Variants in CREB5 observed in about 807,000 individuals in gnomAD.
CREB5 encodes the protein cyclic AMP-responsive element-binding protein 5.
CREB5 carries 19 observed loss-of-function variants against 57.1 expected under a neutral mutation model. The ratio of observed to expected loss-of-function variants is 0.33; its 90% CI spans 0.23 to 0.49. The LOEUF (loss-of-function observed/expected upper bound fraction) is 0.49, where lower values mean the gene tolerates loss of function less well. Among genes scored for constraint, CREB5 ranks in the 20% least tolerant of loss-of-function variants. The probability of loss-of-function intolerance (pLI) is 0.99; values close to 1 mark genes in which losing one functional copy is unlikely to be tolerated. For synonymous variants in CREB5, 238 were observed against 238.3 expected (o/e 1.00, Z 0.01); for missense variants, 579 against 671.6 (o/e 0.86, Z 1.52).
chr7:28,531,689 G>A (rs768268927), intron 4 of CREB5, among the ~76,000 whole-genome samples: 11 of 152,244 alleles, frequency 7.2e-5, no homozygotes, highest in Admixed American at 6.5e-4. Context: ...ACTTTACATA[G>A]GAATTCTGAA....
chr7:28,436,264 C>T (rs976248410), intron 1 of CREB5, among the ~76,000 whole-genome samples: 9 of 152,100 alleles, frequency 5.9e-5, no homozygotes, highest in Non-Finnish European at 1.0e-4. Flanking sequence ...GTGTTGTGTA[C>T]ATTTGTGCAT....
At chr7:28,442,042 A>T (rs1399485560) in intron 1 of CREB5, among the ~76,000 whole-genome samples, 1 of 152,070 alleles carries the variant, frequency 6.6e-6, no homozygotes, top group Non-Finnish European at 1.5e-5. Context: ...ACCAGAACTT[A>T]TTCCTCCTAA....
At chr7:28,511,338 G>A (rs1433461641) in intron 4 of CREB5, among the ~76,000 whole-genome samples, 2 of 152,074 alleles carry the variant, frequency 1.3e-5, no homozygotes, top group Non-Finnish European at 2.9e-5. Context: ...GCCTGAGGCT[G>A]GAGGGTGCTC....
At chr7:28,667,191 T>A (rs1799860610) in intron 5 of CREB5, among the ~76,000 whole-genome samples, 1 of 151,572 alleles carries the variant, frequency 6.6e-6, no homozygotes, top group Non-Finnish European at 1.5e-5. Context: ...TGTCCCTGGG[T>A]GGGGCTGTTG....
intron 5 of CREB5, among the ~76,000 whole-genome samples, chr7:28,575,697 T>G (rs1795883348): frequency 6.6e-6 from 1 of 152,204 alleles, no homozygotes; most frequent in Admixed American, 6.5e-5. Context: ...CTTTGTGTTT[T>G]GCTGAATATC....
chr7:28,581,514 G>A (rs757290759), intron 5 of CREB5, among the ~76,000 whole-genome samples: 3 of 152,130 alleles, frequency 2.0e-5, no homozygotes, highest in Non-Finnish European at 4.4e-5. Flanking sequence ...AGAGGCCTGC[G>A]GGTGCTTAAA....
chr7:28,775,306 C>A (rs1421488890), intron 7 of CREB5, among the ~76,000 whole-genome samples: 5 of 151,978 alleles, frequency 3.3e-5, no homozygotes, highest in African/African-American at 1.2e-4. Flanking sequence ...CTCTCTGATT[C>A]CCCGCCTCAC....
intron 7 of CREB5, among the ~76,000 whole-genome samples, chr7:28,784,999 T>C (rs1807230627): frequency 1.3e-5 from 2 of 152,246 alleles, no homozygotes; most frequent in Admixed American, 1.3e-4. Context: ...TATTGATTTT[T>C]ACAAGCCATT....
intron 5 of CREB5, among the ~76,000 whole-genome samples, chr7:28,691,935 G>T (rs942261220): frequency 6.6e-6 from 1 of 150,914 alleles, no homozygotes; most frequent in Non-Finnish European, 1.5e-5. Context: ...TTGGGAGGCC[G>T]AGGCGAGTGG....
intron 1 of CREB5, among the ~76,000 whole-genome samples, chr7:28,328,532 G>A (rs1267820731): frequency 2.6e-5 from 4 of 152,088 alleles, no homozygotes; most frequent in Non-Finnish European, 5.9e-5. Flanking sequence ...TTTTCCATTA[G>A]GATGCCCTGT....
intron 3 of CREB5, among the ~76,000 whole-genome samples, chr7:28,502,147 T>C (rs184026946): frequency 2.4e-3 from 359 of 152,338 alleles, no homozygotes; most frequent in Middle Eastern, 3.4e-3. Context: ...TCAGTGTTAC[T>C]GAGAGACTCC....
At chr7:28,378,863 G>A (rs951824657) in intron 1 of CREB5, among the ~76,000 whole-genome samples, 6 of 152,150 alleles carry the variant, frequency 3.9e-5, no homozygotes, top group Admixed American at 2.0e-4. Context: ...TGTCAAATTC[G>A]TTGCTGAAAT....
intron 7 of CREB5, among the ~76,000 whole-genome samples, chr7:28,728,589 A>G (rs1044415547): frequency 9.9e-5 from 15 of 152,208 alleles, no homozygotes; most frequent in African/African-American, 3.6e-4. Flanking sequence ...GTACAGCTTC[A>G]CTGTTCTTTA....
intron 5 of CREB5, among the ~76,000 whole-genome samples, chr7:28,716,163 T>C (rs1802674725): frequency 6.6e-6 from 1 of 152,180 alleles, no homozygotes; most frequent in Admixed American, 6.5e-5. Context: ...TATTTTTTAG[T>C]AGGCAATCTC....
chr7:28,417,561 C>G (rs1053436935), intron 1 of CREB5, among the ~76,000 whole-genome samples: 1 of 152,178 alleles, frequency 6.6e-6, no homozygotes, highest in African/African-American at 2.4e-5. Context: ...AACACTGATA[C>G]CCTTCCACTC....
chr7:28,750,781 G>A (rs1308717579), intron 7 of CREB5, among the ~76,000 whole-genome samples: 3 of 151,988 alleles, frequency 2.0e-5, no homozygotes, highest in East Asian at 1.9e-4. Flanking sequence ...TGTAATAATT[G>A]TCAAATTAAA....
At chr7:28,498,801 T>A (rs969595746) in intron 3 of CREB5, among the ~76,000 whole-genome samples, 1 of 152,274 alleles carries the variant, frequency 6.6e-6, no homozygotes, top group East Asian at 1.9e-4. Context: ...TCATCTTTAT[T>A]TGGTCCACGT....
At chr7:28,430,787 T>C (rs1458513616) in intron 1 of CREB5, among the ~76,000 whole-genome samples, 4 of 152,180 alleles carry the variant, frequency 2.6e-5, no homozygotes, top group Non-Finnish European at 5.9e-5. Context: ...ATACATTTAT[T>C]GTCTTAGAGT....
At chr7:28,622,612 G>C (rs1323378741) in intron 5 of CREB5, among the ~76,000 whole-genome samples, 4 of 152,222 alleles carry the variant, frequency 2.6e-5, no homozygotes, top group African/African-American at 7.2e-5. Context: ...AACCTCTTGA[G>C]GTACAGATTA....
Sources: gnomAD v4.1 joint callset for allele counts (sites outside exome capture counted in the v4.1 genomes callset) on GRCh38, gnomAD v4.1.1 for gene constraint, MANE v1.5 for transcripts, NCBI Gene and HGNC (gene_info 2026-07-23, HGNC 2026-07-21) for gene names.